The following ITGAE variants were observed in gnomAD, a reference collection of about 807,000 sequenced individuals.
ITGAE encodes integrin alpha-E.
In ITGAE, 99 loss-of-function variants were observed where a neutral mutation model predicts 136.5. The observed-to-expected ratio is 0.73, with a 90% CI of 0.62 to 0.86. The LOEUF (loss-of-function observed/expected upper bound fraction) is 0.86, where lower values mean the gene tolerates loss of function less well. Ranked by LOEUF, ITGAE falls within the 40% of genes least tolerant of loss-of-function variation. The pLI, the probability that ITGAE is intolerant of heterozygous loss-of-function variation, is 0.00. For missense variants in ITGAE, 1,447 were observed against 1,515.3 expected (o/e 0.95, Z 0.75); for synonymous variants, 613 against 591.8 (o/e 1.04, Z -0.52).
In ITGAE at chr17:3,772,530, C is replaced by G. The variant is rs960032831; in HGVS notation, c.155+5010G>C. On this transcript the variant is annotated intron_variant, in intron 2 of 30. Transcript: ENST00000263087. ...CCAGGCTGGAGTGCAGTGGCGCGAT[C>G]TCGGCTCACTGCAAGCTCCGCCTCC... Among the ~76,000 whole-genome samples, 2 of 150,626 alleles carry G rather than the reference C, an allele frequency of 1.3e-5. 1 individual carries two copies.
chr17:3,727,099 A>G (rs957742738), intron 26 of ITGAE, among the ~76,000 whole-genome samples: 6 of 150,018 alleles, frequency 4.0e-5, no homozygotes, highest in African/African-American at 1.5e-4. Flanking sequence ...GAGCCTTAAC[A>G]CTTATGTAGT....
At chr17:3,787,742 C>A (rs2052834312) in intron 1 of ITGAE, among the ~76,000 whole-genome samples, 1 of 150,860 alleles carries the variant, frequency 6.6e-6, no homozygotes, top group Admixed American at 6.6e-5. Flanking sequence ...GGCTGGAGTG[C>A]CATGGCACAA....
At chr17:3,741,366 C>T (rs566253089) in intron 19 of ITGAE, among the ~76,000 whole-genome samples, 60 of 151,606 alleles carry the variant, frequency 4.0e-4, no homozygotes, top group African/African-American at 1.4e-3. Context: ...GGATTACAGG[C>T]GTGAGCCCCC....
intron 2 of ITGAE, among the ~76,000 whole-genome samples, chr17:3,774,216 G>A (rs995905299): frequency 2.6e-5 from 4 of 152,032 alleles, no homozygotes; most frequent in African/African-American, 7.2e-5. Flanking sequence ...GCTCCTGTGT[G>A]CTGGGTGTGA....
intron 1 of ITGAE, among the ~76,000 whole-genome samples, chr17:3,782,298 A>AAAAC (rs2052684768): frequency 9.8e-6 from 1 of 102,126 alleles, no homozygotes; most frequent in Admixed American, 1.2e-4. Flanking sequence ...AAAAAAAAAA[A>AAAAC]AAAGCATGGT....
At chr17:3,767,159 C>T (rs1010567624) in intron 2 of ITGAE, among the ~76,000 whole-genome samples, 117 of 151,548 alleles carry the variant, frequency 7.7e-4, no homozygotes, top group African/African-American at 2.6e-3. Flanking sequence ...TGCAATGGCA[C>T]GATCTCGGCT....
chr17:3,729,437 C>T (rs374523211), intron 24 of ITGAE, 41 bp downstream of exon 24: 61 of 1,276,654 alleles, frequency 4.8e-5, no homozygotes, highest in East Asian at 1.8e-4. Context: ...GCCCCCTGGG[C>T]GATGGAGTCA....
chr17:3,714,764 C>A lies in ITGAE; in HGVS notation c.*83G>T. 1.3e-6 allele frequency: 1 copy of A among 771,468 alleles called. No homozygotes were observed. Among genetic ancestry groups the A allele is most frequent in the Non-Finnish European group, 2.2e-6 (1 of 447,992 alleles). The allele number at this position is 771,468 out of a possible 1,614,324, so 47.8% of individuals were successfully genotyped here. On this transcript the variant is annotated 3_prime_UTR_variant, in exon 31 of 31. Transcript: ENST00000263087. Reference sequence around the variant, plus strand: ...ACAGCTCCATGCTGCTCTAGATCATCCTGAAGGAAAAAGTAATGCAAAGGA... The same window carrying A: ...ACAGCTCCATGCTGCTCTAGATCATACTGAAGGAAAAAGTAATGCAAAGGA...
chr17:3,751,887 CA>C lies in ITGAE; in HGVS notation c.1669-14del. The C allele has an allele frequency of 1.2e-6, 2 of 1,609,066 alleles. No individual in the cohort carries two copies. The highest frequency in any genetic ancestry group is 1.7e-6 in the Non-Finnish European group (2 of 1,175,480). ...AGAAAGAACCATCCTGTAAAGCAAA[CA>C]AACAGCTCAGCCCTCAAGAAGGGGT... On this transcript the variant is annotated splice_polypyrimidine_tract_variant and intron_variant, in intron 14 of 30. Transcript: ENST00000263087.
chr17:3,792,724 T>C (rs1179032200), intron 1 of ITGAE, among the ~76,000 whole-genome samples: 1 of 152,210 alleles, frequency 6.6e-6, no homozygotes. Flanking sequence ...ATAAAATCAT[T>C]TGTTGATTCA....
chr17:3,761,166 CCAGGAGATTTTCTTTAAAAA>C lies in ITGAE; in HGVS notation c.434-9_444del. 1.2e-6 allele frequency: 2 copies of C among 1,600,592 alleles called. No homozygotes were observed. Among genetic ancestry groups the C allele is most frequent in the Non-Finnish European group, 8.5e-7 (1 of 1,172,896 alleles). On this transcript the variant is annotated splice_acceptor_variant and splice_polypyrimidine_tract_variant and coding_sequence_variant and intron_variant, in exon 6 of 31. Coordinates refer to ENST00000263087, the MANE Select transcript of ITGAE (RefSeq NM_002208.5). LOFTEE classifies it high-confidence loss of function. The stretch of plus-strand genomic sequence containing the variant: ...CCAGTGTCCACACGTGCATCTGGAT[CCAGGAGATTTTCTTTAAAAA>C]CACACATGGAAGAGCTCAGAGTCAG...
intron 19 of ITGAE, among the ~76,000 whole-genome samples, chr17:3,741,070 A>ATTTTTTT (rs58434003): frequency 6.5e-5 from 5 of 76,806 alleles, no homozygotes; most frequent in Non-Finnish European, 9.2e-5. Flanking sequence ...TTTTTGTTGT[A>ATTTTTTT]TTTTTTTTTT....
intron 4 of ITGAE, 76 bp from the exon 5 acceptor site, chr17:3,761,596 C>A (rs2052171669): frequency 3.0e-6 from 4 of 1,347,950 alleles, no homozygotes; most frequent in East Asian, 2.3e-5. Context: ...TTCTCACCCC[C>A]ATTCCAGAAC....
chr17:3,767,053 A>T (rs901096902), intron 2 of ITGAE, among the ~76,000 whole-genome samples: 1 of 150,650 alleles, frequency 6.6e-6, no homozygotes, highest in Admixed American at 6.6e-5. Context: ...CCCTACATCC[A>T]ATCCACCTGC....
chr17:3,723,600 G>A (rs973613531), intron 27 of ITGAE, 88 bp downstream of exon 27: 39 of 1,369,542 alleles, frequency 2.8e-5, no homozygotes, highest in Middle Eastern at 1.8e-4. Context: ...GCCGGCAGGG[G>A]TAACCCAGGA....
At chr17:3,725,284 T>C (rs769002338) in intron 26 of ITGAE, 2 of 1,614,108 alleles carry the variant, frequency 1.2e-6, no homozygotes, top group South Asian at 1.1e-5. Context: ...TTAAACACTC[T>C]AAGTATTTCA....
At chr17:3,796,192 T>TGTGTGTGTGTGTGTGTGTGTGTGTGG (rs1016303323) in intron 1 of ITGAE, among the ~76,000 whole-genome samples, 1 of 148,596 alleles carries the variant, frequency 6.7e-6, no homozygotes, top group Non-Finnish European at 1.5e-5. Context: ...TGTGTGTGTG[T>TGTGTGTGTGTGTGTGTGTGTGTGTGG]GGTGGGGTAG....
rs137966004 is a variant in ITGAE, at chr17:3,775,884, A to G, written c.155+1656T>C. Among the ~76,000 whole-genome samples the G allele has an allele frequency of 1.2e-4, 19 of 152,202 alleles. No individual in the cohort carries two copies. The East Asian group carries it at 3.7e-3, about 29-fold the overall frequency. On this transcript the variant is annotated intron_variant, in intron 2 of 30. Coordinates refer to ENST00000263087, the MANE Select transcript of ITGAE (RefSeq NM_002208.5). The stretch of plus-strand genomic sequence containing the variant: ...CCAGATACGGCAAAATTGCTCTCCA[A>G]GGTGGTGATCGCAATTCACACTCCC...
intron 29 of ITGAE, among the ~76,000 whole-genome samples, chr17:3,719,570 A>G (rs894544103): frequency 4.6e-5 from 7 of 152,242 alleles, no homozygotes; most frequent in African/African-American, 1.7e-4. Context: ...ATACTTTTGC[A>G]AAAAGAATTC....
Sources: gnomAD v4.1 joint callset for allele counts (sites outside exome capture counted in the v4.1 genomes callset) on GRCh38, gnomAD v4.1.1 for gene constraint, MANE v1.5 for transcripts, NCBI Gene and HGNC (gene_info 2026-07-23, HGNC 2026-07-21) for gene names.